The following ZNF451 variants were observed in gnomAD, a reference collection of about 807,000 sequenced individuals.
ZNF451 encodes E3 SUMO-protein ligase ZNF451.
Under a neutral mutation model 107.1 loss-of-function variants are expected in ZNF451, and 80 were observed. That is an observed-to-expected ratio of 0.75 (90% confidence interval 0.62 to 0.90). The LOEUF (loss-of-function observed/expected upper bound fraction) is 0.90, where lower values mean the gene tolerates loss of function less well. Among genes scored for constraint, ZNF451 ranks in the 40% least tolerant of loss-of-function variants. ZNF451 has a pLI of 0.00. For synonymous variants in ZNF451, 362 were observed against 406.5 expected, an observed-to-expected ratio of 0.89 and a Z score of 1.32; for missense variants, 1,107 against 1,236.2, an observed-to-expected ratio of 0.90 and a Z score of 1.57.
intron 3 of ZNF451, among the ~76,000 whole-genome samples, chr6:57,117,595 G>A (rs1303673201): frequency 1.3e-5 from 2 of 152,006 alleles, no homozygotes; most frequent in Non-Finnish European, 2.9e-5. Flanking sequence ...TGAAGGGAGT[G>A]AAGTTTTAAG....
In ZNF451 at chr6:57,168,521, G is replaced by A. The variant is rs780842240; in HGVS notation, c.*52G>A. On this transcript the variant is annotated 3_prime_UTR_variant, in exon 15 of 15. Coordinates refer to ENST00000370706, the MANE Select transcript of ZNF451 (RefSeq NM_001031623.3). ...GTGGCCTTGAAGAGACTGAGATAAC[G>A]AATTCTTGAGTTTGTTTTCTAAAGG... 60 of 1,405,774 alleles carry A rather than the reference G, an allele frequency of 4.3e-5. No homozygotes were observed. Among genetic ancestry groups the A allele is most frequent in the Admixed American group, 7.5e-5 (4 of 53,098 alleles). 87.1% of individuals were successfully genotyped at this position (1,405,774 alleles called of 1,614,324 possible). A position where few individuals can be genotyped will look rare whatever the true frequency, so the allele number is the denominator to read the frequency against.
chr6:57,127,967 G>C (rs1467876806), intron 4 of ZNF451, among the ~76,000 whole-genome samples: 1 of 152,068 alleles, frequency 6.6e-6, no homozygotes, highest in Non-Finnish European at 1.5e-5. Flanking sequence ...TTTACATATT[G>C]TCTGTGGCTG....
intron 13 of ZNF451, chr6:57,159,150 A>ATTTT: frequency 1.0e-6 from 1 of 985,368 alleles, no homozygotes; most frequent in Non-Finnish European, 1.2e-6. Context: ...TACTGAAAAT[A>ATTTT]AGAAAGAATA....
chr6:57,142,512 A>AT (rs1258477007), intron 9 of ZNF451, among the ~76,000 whole-genome samples: 1 of 152,212 alleles, frequency 6.6e-6, no homozygotes, highest in Non-Finnish European at 1.5e-5. Context: ...TATCTGTGAG[A>AT]TTTATCTATA....
intron 13 of ZNF451, among the ~76,000 whole-genome samples, chr6:57,159,715 C>T (rs981973625): frequency 6.6e-6 from 1 of 152,034 alleles, no homozygotes; most frequent in African/African-American, 2.4e-5. Flanking sequence ...TTACCTAAAA[C>T]ACTGCTTGAA....
chr6:57,091,467 G>A (rs1562582240), intron 2 of ZNF451: 1 of 148,504 alleles, frequency 6.7e-6, no homozygotes, highest in Non-Finnish European at 1.5e-5. Flanking sequence ...GTATAAACAG[G>A]CAGATTCCTG....
chr6:57,160,165 C>T (rs1161135646), intron 13 of ZNF451, among the ~76,000 whole-genome samples: 3 of 152,034 alleles, frequency 2.0e-5, no homozygotes, highest in Admixed American at 6.6e-5. Flanking sequence ...TACTTAGTTT[C>T]CCTTATTAGT....
chr6:57,129,927 T>C (rs1393395920), intron 5 of ZNF451, among the ~76,000 whole-genome samples: 1 of 152,174 alleles, frequency 6.6e-6, no homozygotes, highest in East Asian at 1.9e-4. Context: ...GTGAGAAGCT[T>C]ATCTAGATTT....
chr6:57,103,723 T>C, intron 3 of ZNF451: 1 of 985,348 alleles, frequency 1.0e-6, no homozygotes, highest in Non-Finnish European at 1.2e-6. Flanking sequence ...TTGGATGTAC[T>C]GCTAATGGAA....
At chr6:57,124,034 C>T (rs949625706) in intron 3 of ZNF451, among the ~76,000 whole-genome samples, 37 of 152,152 alleles carry the variant, frequency 2.4e-4, no homozygotes, top group African/African-American at 8.9e-4. Context: ...ACTTCTAGTA[C>T]AATGTTGTGA....
intron 14 of ZNF451, among the ~76,000 whole-genome samples, chr6:57,167,184 C>A (rs201239173): frequency 7.4e-5 from 11 of 148,108 alleles, no homozygotes; most frequent in African/African-American, 2.7e-4. Flanking sequence ...TATATATATA[C>A]ACACACACAC....
chr6:57,148,139 A>G lies in ZNF451; in HGVS notation c.2054A>G (p.His685Arg), dbSNP rs908078533. Residue 685 changes from histidine to arginine, a missense_variant, in exon 10 of 15, where the codon CAT becomes CGT. Around this residue, in one of 5 missense-constraint regions of ZNF451, gnomAD observed 608 missense variants for 649.2 expected, o/e 0.94. Coordinates refer to ENST00000370706, the MANE Select transcript of ZNF451 (RefSeq NM_001031623.3). ...IFNVEEAFLS[H>R]YEEHHSIDYV... ...AATGTGGAAGAAGCATTTCTGAGTC[A>G]TTATGAGGAGCACCACAGCATAGAT... is the stretch of plus-strand genomic sequence containing the variant. The G allele has an allele frequency of 4.3e-6, 7 of 1,613,972 alleles. No homozygotes were observed. Among genetic ancestry groups the G allele is most frequent in the African/African-American group, 1.3e-5 (1 of 74,944 alleles).
intron 7 of ZNF451, among the ~76,000 whole-genome samples, chr6:57,138,912 C>G (rs1017802220): frequency 6.7e-6 from 1 of 149,848 alleles, no homozygotes; most frequent in Non-Finnish European, 1.5e-5. Flanking sequence ...GCCAAGTATG[C>G]CATATTTTTG....
intron 14 of ZNF451, among the ~76,000 whole-genome samples, chr6:57,162,777 C>G (rs1282475040): frequency 6.6e-6 from 1 of 152,106 alleles, no homozygotes; most frequent in African/African-American, 2.4e-5. Flanking sequence ...CCTAGCTAAC[C>G]TAGGAAATCT....
chr6:57,113,966 G>T (rs950817231), intron 3 of ZNF451, among the ~76,000 whole-genome samples: 2 of 152,186 alleles, frequency 1.3e-5, no homozygotes, highest in Non-Finnish European at 2.9e-5. Flanking sequence ...GTTCTGTCTG[G>T]CATTTAGCTT....
Position 57,122,696 on chromosome 6 carries a change from T to C in ZNF451, c.187-2038T>C, listed in dbSNP as rs148913642. On this transcript the variant is annotated intron_variant, in intron 3 of 14. Transcript: ENST00000370706. Reference sequence around the variant, plus strand: ...AGATACCATCTCACAGCAGTCAAAATGGTTATTTCTAAAAAGTCAAAAAGT... The same window carrying C: ...AGATACCATCTCACAGCAGTCAAAACGGTTATTTCTAAAAAGTCAAAAAGT... 5.6e-4 allele frequency among the ~76,000 whole-genome samples: 86 copies of C among 152,332 alleles called. 1 individual carries two copies. The highest frequency in any genetic ancestry group is 1.9e-3 in the African/African-American group (81 of 41,586).
At chr6:57,116,318 G>C (rs555587624) in intron 3 of ZNF451, 2 of 152,402 alleles carry the variant, frequency 1.3e-5, no homozygotes, top group South Asian at 4.1e-4. Context: ...TTGGAAGGCT[G>C]AGGCTGGCGG....
At chr6:57,146,910 A>G (rs909307518) in intron 9 of ZNF451, among the ~76,000 whole-genome samples, 180 bp from the exon 10 acceptor site, 9 of 152,208 alleles carry the variant, frequency 5.9e-5, no homozygotes, top group African/African-American at 2.2e-4. Flanking sequence ...TAAAGTGCAG[A>G]TAATACTCAA....
At chr6:57,152,532 A>C (rs1044455199) in intron 12 of ZNF451, among the ~76,000 whole-genome samples, 181 bp downstream of exon 12, 3 of 152,158 alleles carry the variant, frequency 2.0e-5, no homozygotes, top group Non-Finnish European at 4.4e-5. Context: ...CTTCTAGCAA[A>C]CCTTCAGCTA....
Sources: gnomAD v4.1 joint callset for allele counts (sites outside exome capture counted in the v4.1 genomes callset) on GRCh38, gnomAD v4.1.1 for gene constraint, gnomAD v4.1.1 regional missense constraint, MANE v1.5 for transcripts, NCBI Gene and HGNC (gene_info 2026-07-23, HGNC 2026-07-21) for gene names.